CHRM5: variants seen among roughly 807,000 people sequenced by gnomAD.
The protein encoded by CHRM5 is muscarinic acetylcholine receptor M5.
A neutral mutation model predicts 39.0 loss-of-function variants in CHRM5; 18 were observed. That is an observed-to-expected ratio of 0.46 (90% CI 0.32 to 0.68). CHRM5 has a LOEUF of 0.68. CHRM5 is among the 30% of genes least tolerant of loss of function. The pLI is 0.04. For missense variants in CHRM5, 515 were observed against 651.1 expected (o/e 0.79, Z 2.28); for synonymous variants, 241 against 246.3 (o/e 0.98, Z 0.20).
chr15:34,039,059 G>A, intron 1 of CHRM5: 1 of 1,097,628 alleles, frequency 9.1e-7, no homozygotes, highest in Non-Finnish European at 1.1e-6. Flanking sequence ...GGCCGCCGCT[G>A]GCGGTGCTGA....
intron 1 of CHRM5, among the ~76,000 whole-genome samples, chr15:34,031,511 A>G (rs1050437629): frequency 2.0e-5 from 3 of 152,156 alleles, no homozygotes; most frequent in African/African-American, 4.8e-5. Flanking sequence ...CTATCCCTCA[A>G]TGTAAGTTTG....
chr15:33,977,848 G>T (rs1236845632), intron 1 of CHRM5, among the ~76,000 whole-genome samples: 8 of 152,006 alleles, frequency 5.3e-5, no homozygotes, highest in East Asian at 3.9e-4. Flanking sequence ...AAGGCAGGAG[G>T]ATTGCTTGAG....
At chr15:33,973,824 T>C (rs1189678437) in intron 1 of CHRM5, among the ~76,000 whole-genome samples, 1 of 152,246 alleles carries the variant, frequency 6.6e-6, no homozygotes, top group African/African-American at 2.4e-5. Context: ...TCAGGACTAG[T>C]TAATCAGCAG....
chr15:34,015,206 G>T (rs146447575), intron 1 of CHRM5, among the ~76,000 whole-genome samples: 3 of 152,090 alleles, frequency 2.0e-5, no homozygotes, highest in African/African-American at 7.2e-5. Context: ...AAAATAGGCC[G>T]GGCGCAGTGG....
At chr15:33,980,536 A>G (rs116003378) in intron 1 of CHRM5, among the ~76,000 whole-genome samples, 1,527 of 152,290 alleles carry the variant, frequency 0.01, 29 homozygotes, top group African/African-American at 0.035. Flanking sequence ...CGAATATTAA[A>G]TATACATGTA....
rs1243284941 is a variant in CHRM5 at position 34,002,120 on chromosome 15, G to C, written c.-408+32970G>C. On this transcript the variant is annotated intron_variant, in intron 1 of 2. Coordinates refer to ENST00000383263, the MANE Select transcript of CHRM5 (RefSeq NM_012125.4). Reference sequence around the variant, plus strand: ...AAACCATAATATAATATCACAACCAGAAGACTGACACTGAAACTGATACAA... The same window carrying C: ...AAACCATAATATAATATCACAACCACAAGACTGACACTGAAACTGATACAA... Among the ~76,000 whole-genome samples, 5 of 152,058 alleles carry C rather than the reference G, an allele frequency of 3.3e-5. No homozygotes were observed. The East Asian group carries it at 9.6e-4, about 29-fold the overall frequency.
intron 1 of CHRM5, among the ~76,000 whole-genome samples, chr15:33,994,220 A>T (rs1000283140): frequency 1.3e-5 from 2 of 152,206 alleles, no homozygotes; most frequent in Non-Finnish European, 2.9e-5. Context: ...CTCCTGTCAG[A>T]TCAGCAGCAG....
chr15:34,019,109 T>C (rs575572194), intron 1 of CHRM5, among the ~76,000 whole-genome samples: 9 of 152,326 alleles, frequency 5.9e-5, no homozygotes, highest in African/African-American at 2.2e-4. Context: ...GATTGGTGCA[T>C]TTACAATCCT....
At chr15:33,994,343 T>C (rs1409318533) in intron 1 of CHRM5, among the ~76,000 whole-genome samples, 1 of 152,168 alleles carries the variant, frequency 6.6e-6, no homozygotes, top group Non-Finnish European at 1.5e-5. Context: ...CTCCCATCAT[T>C]CCCAGATGGG....
At position 33,969,108 on chromosome 15, in the gene CHRM5, A is replaced by G. The variant is rs1026770319; in HGVS notation, c.-450A>G. ...TTGGGTCTCGAAGCTTACTATTTCC[A>G]GCCAGAGTTCAAATTACTGAGCTTC... On this transcript the variant is annotated 5_prime_UTR_variant, in exon 1 of 3. Coordinates refer to ENST00000383263, the MANE Select transcript of CHRM5 (RefSeq NM_012125.4). 9 of 152,252 alleles carry G rather than the reference A, an allele frequency of 5.9e-5. No homozygotes were observed. Among genetic ancestry groups the G allele is most frequent in the Admixed American group, 1.3e-4 (2 of 15,290 alleles). 9.4% of individuals were successfully genotyped at this position (152,252 alleles called of 1,614,324 possible).
intron 1 of CHRM5, chr15:34,039,110 A>G (rs1899335553): frequency 9.5e-7 from 1 of 1,056,822 alleles, no homozygotes; most frequent in Non-Finnish European, 1.1e-6. Flanking sequence ...CCCTGGCCCC[A>G]CCGGAAGCGG....
At chr15:34,042,396 G>GTTTT (rs35456951) in intron 1 of CHRM5, among the ~76,000 whole-genome samples, 6 of 130,378 alleles carry the variant, frequency 4.6e-5, no homozygotes, top group South Asian at 2.4e-4. Context: ...CATGACCTAA[G>GTTTT]TTTTTTTTTT....
intron 1 of CHRM5, among the ~76,000 whole-genome samples, chr15:33,985,647 T>C (rs139097174): frequency 3.9e-5 from 6 of 152,134 alleles, no homozygotes; most frequent in African/African-American, 7.2e-5. Flanking sequence ...CACTGTGTTG[T>C]AGGCATTTCT....
chr15:34,053,989 A>G (rs488719), intron 2 of CHRM5, among the ~76,000 whole-genome samples: 98,991 of 151,946 alleles, frequency 0.65, 33,445 homozygotes, highest in South Asian at 0.78. Context: ...TGAGAAAAAA[A>G]CAACCCCATC....
chr15:33,998,896 T>C (rs553050713), intron 1 of CHRM5, among the ~76,000 whole-genome samples: 3 of 152,318 alleles, frequency 2.0e-5, no homozygotes, highest in Admixed American at 6.5e-5. Context: ...TGTCATCTCA[T>C]ACATTCTCAC....
At position 33,979,769 on chromosome 15, in the gene CHRM5, C is replaced by G. The variant is rs75469750; in HGVS notation, c.-408+10619C>G. On this transcript the variant is annotated intron_variant, in intron 1 of 2. Transcript: ENST00000383263. ...AAGTTCGTTAGGCATCCTCAGGAAT[C>G]GTAAAGGACACATGTAGAGAAACAC... 2.7e-3 allele frequency among the ~76,000 whole-genome samples: 410 copies of G among 152,210 alleles called. 13 individuals are homozygous for G. In the East Asian group the frequency reaches 0.073, roughly 27 times the overall value.
At chr15:34,049,463 A>G (rs1353321484) in intron 2 of CHRM5, among the ~76,000 whole-genome samples, 3 of 152,190 alleles carry the variant, frequency 2.0e-5, no homozygotes, top group Non-Finnish European at 4.4e-5. Context: ...GCAGAGTTTG[A>G]AGACTATTTT....
intron 1 of CHRM5, among the ~76,000 whole-genome samples, chr15:33,974,158 G>A (rs563701015): frequency 2.0e-5 from 3 of 152,152 alleles, no homozygotes; most frequent in African/African-American, 7.2e-5. Context: ...GAATTTCATC[G>A]ATAATCCAAA....
At chr15:33,995,986 C>T (rs139553577) in intron 1 of CHRM5, among the ~76,000 whole-genome samples, 2,089 of 150,978 alleles carry the variant, frequency 0.014, 26 homozygotes, top group Middle Eastern at 0.082. Flanking sequence ...CCAAATACTG[C>T]GCTTTTCCAA....
Sources: allele counts gnomAD v4.1 joint callset (sites outside exome capture counted in the v4.1 genomes callset), GRCh38; gene constraint gnomAD v4.1.1; transcripts MANE v1.5; gene names NCBI Gene and HGNC (gene_info 2026-07-23, HGNC 2026-07-21).